Variants in ASPH observed in about 807,000 individuals in gnomAD.
ASPH encodes aspartate beta-hydroxylase, also known as aspartyl/asparaginyl beta-hydroxylase.
ASPH carries 100 observed loss-of-function variants against 118.4 expected under a neutral mutation model. The ratio of observed to expected loss-of-function variants is 0.84; its 90% CI spans 0.72 to 1.00. The LOEUF (loss-of-function observed/expected upper bound fraction) is 1.00. Ranked by LOEUF, ASPH falls within the 50% of genes least tolerant of loss-of-function variation. ASPH has a pLI of 0.00. For synonymous variants in ASPH, 315 were observed against 325.6 expected (o/e 0.97, Z 0.35); for missense variants, 920 against 919.5 (o/e 1.00, Z -0.01).
At chr8:61,562,495 A>G (rs1830349381) in intron 18 of ASPH, among the ~76,000 whole-genome samples, 1 of 152,024 alleles carries the variant, frequency 6.6e-6, no homozygotes, top group South Asian at 2.1e-4. Context: ...AAAGATAAAT[A>G]TGAAGTTTTA....
At chr8:61,692,765 T>C (rs1020003065) in intron 1 of ASPH, among the ~76,000 whole-genome samples, 1 of 152,110 alleles carries the variant, frequency 6.6e-6, no homozygotes. Flanking sequence ...TCTGATTTTG[T>C]AGGTCTGGAG....
intron 3 of ASPH, chr8:61,663,518 G>A (rs1817983126): frequency 2.0e-6 from 2 of 985,264 alleles, no homozygotes; most frequent in Non-Finnish European, 2.4e-6. Flanking sequence ...AGTGAGCTAA[G>A]AGGAAAAAGA....
At chr8:61,659,070 G>C (rs1186726183) in intron 3 of ASPH, 2 of 152,430 alleles carry the variant, frequency 1.3e-5, no homozygotes, top group African/African-American at 4.8e-5. Context: ...TCCCGTGGGA[G>C]AGACAAAGGC....
intron 20 of ASPH, 113 bp downstream of exon 20, chr8:61,552,918 G>T: frequency 1.2e-6 from 1 of 868,264 alleles, no homozygotes; most frequent in Non-Finnish European, 1.8e-6. Context: ...TTATATCACT[G>T]CTTTCGAAAG....
rs528116359 is a variant in ASPH at position 61,685,815 on chromosome 8, G to T, written c.104-1627C>A. Among the ~76,000 whole-genome samples, 5 of 149,874 alleles carry T rather than the reference G, an allele frequency of 3.3e-5. 1 individual carries two copies. The highest frequency in any genetic ancestry group is 1.2e-4 in the African/African-American group (5 of 40,648). On this transcript the variant is annotated intron_variant, in intron 1 of 24. Coordinates refer to ENST00000379454, the MANE Select transcript of ASPH (RefSeq NM_004318.4). ...AATTTTTTTTTTTTTTTGAGACATG[G>T]TCTCCCTCTGTCACCCAGGCTGTAG...
At chr8:61,561,051 G>T (rs1009376596) in intron 18 of ASPH, among the ~76,000 whole-genome samples, 1 of 137,352 alleles carries the variant, frequency 7.3e-6, no homozygotes, top group African/African-American at 2.7e-5. Flanking sequence ...AGGAAGGGAA[G>T]AAGGAAGGAA....
intron 1 of ASPH, among the ~76,000 whole-genome samples, chr8:61,708,068 G>A (rs996189136): frequency 3.9e-5 from 6 of 152,122 alleles, no homozygotes; most frequent in African/African-American, 9.7e-5. Flanking sequence ...GGTTAGGAAG[G>A]AATACCACAG....
intron 24 of ASPH, among the ~76,000 whole-genome samples, chr8:61,504,459 T>A (rs1349056691): frequency 6.6e-6 from 1 of 152,194 alleles, no homozygotes; most frequent in Admixed American, 6.5e-5. Context: ...AGTTACTATA[T>A]TATCATAAAG....
Position 61,590,550 on chromosome 8 carries a change from C to CTGTGTGTGTGTGTGTGTG in ASPH, c.977-6539_977-6522dup, listed in dbSNP as rs5891814. Reference sequence around the variant, plus strand: ...ATTAAATACGGACCTTAATTTAACTCTGTGTGTGTGTGTGTGTGTGTGTGT... The same window carrying CTGTGTGTGTGTGTGTGTG: ...ATTAAATACGGACCTTAATTTAACTCTGTGTGTGTGTGTGTGTGTGTGTGTGTGTGTGTGTGTGTGTGT... On this transcript the variant is annotated intron_variant, in intron 14 of 24. Transcript: ENST00000379454. 2.4e-3 allele frequency among the ~76,000 whole-genome samples: 352 copies of CTGTGTGTGTGTGTGTGTG among 146,782 alleles called. 4 individuals are homozygous for CTGTGTGTGTGTGTGTGTG. Among genetic ancestry groups the CTGTGTGTGTGTGTGTGTG allele is most frequent in the African/African-American group, 8.3e-3 (329 of 39,498 alleles).
At chr8:61,558,210 C>T (rs559074032) in intron 18 of ASPH, among the ~76,000 whole-genome samples, 10 of 152,064 alleles carry the variant, frequency 6.6e-5, no homozygotes, top group Non-Finnish European at 1.0e-4. Flanking sequence ...AAGAGGGGCA[C>T]CTGGCTCACT....
chr8:61,701,779 T>C (rs1835300898), intron 1 of ASPH, among the ~76,000 whole-genome samples: 1 of 152,200 alleles, frequency 6.6e-6, no homozygotes. Flanking sequence ...AGGAGGAAAA[T>C]GAGCAGCATA....
chr8:61,514,354 C>T (rs1048935548), intron 24 of ASPH, among the ~76,000 whole-genome samples: 1 of 150,862 alleles, frequency 6.6e-6, no homozygotes, highest in African/African-American at 2.4e-5. Flanking sequence ...TGCTGTCACC[C>T]AGGCTGGAGT....
intron 21 of ASPH, among the ~76,000 whole-genome samples, chr8:61,533,795 C>T (rs563778209): frequency 6.6e-6 from 1 of 152,296 alleles, no homozygotes; most frequent in East Asian, 1.9e-4. Context: ...TTCTGTTTTC[C>T]ACTTTCAAAA....
intron 1 of ASPH, among the ~76,000 whole-genome samples, chr8:61,704,085 C>A (rs1835909086): frequency 6.7e-6 from 1 of 148,996 alleles, no homozygotes; most frequent in Non-Finnish European, 1.5e-5. Flanking sequence ...GTCCCAGCTA[C>A]TTGGGAGGCT....
intron 24 of ASPH, 174 bp downstream of exon 24, chr8:61,517,354 G>T: frequency 1.1e-6 from 1 of 905,966 alleles, no homozygotes; most frequent in Non-Finnish European, 1.6e-6. Context: ...ATGTCTCCAG[G>T]CTAATAGAAA....
At chr8:61,532,935 T>G (rs894764549) in intron 21 of ASPH, among the ~76,000 whole-genome samples, 6 of 152,194 alleles carry the variant, frequency 3.9e-5, no homozygotes, top group African/African-American at 1.4e-4. Flanking sequence ...ATAGCTATGA[T>G]GATGATGAGG....
At chr8:61,606,615 CTTTAA>C (rs1845644821) in intron 14 of ASPH, 1 of 152,108 alleles carries the variant, frequency 6.6e-6, no homozygotes, top group African/African-American at 2.4e-5. Context: ...AAATCCATTA[CTTTAA>C]TTTCATTAAA....
chr8:61,581,440 G>A (rs1837483540), intron 15 of ASPH, among the ~76,000 whole-genome samples: 1 of 152,224 alleles, frequency 6.6e-6, no homozygotes, highest in Admixed American at 6.5e-5. Context: ...TTGACATGAG[G>A]CCAATGGGCT....
intron 3 of ASPH, chr8:61,660,608 G>T (rs1816395247): frequency 6.6e-6 from 1 of 152,050 alleles, no homozygotes; most frequent in Non-Finnish European, 1.5e-5. Flanking sequence ...CCTAGATCCA[G>T]CATAACAAAA....
Sources: gnomAD v4.1 joint callset for allele counts (sites outside exome capture counted in the v4.1 genomes callset) on GRCh38, gnomAD v4.1.1 for gene constraint, MANE v1.5 for transcripts, NCBI Gene and HGNC (gene_info 2026-07-23, HGNC 2026-07-21) for gene names.